The following AADACL2 variants were observed in gnomAD, a reference collection of about 807,000 sequenced individuals.
The protein encoded by AADACL2 is arylacetamide deacetylase-like 2.
In AADACL2, 23 loss-of-function variants were observed where a neutral mutation model predicts 22.3. The ratio of observed to expected loss-of-function variants is 1.03; its 90% CI spans 0.74 to 1.46. AADACL2 has a LOEUF of 1.46. Ranked by LOEUF, AADACL2 falls within the 40% of genes most tolerant of loss-of-function variation. AADACL2 has a pLI of 0.00. For missense variants in AADACL2, 472 were observed against 482.9 expected (o/e 0.98, Z 0.21); for synonymous variants, 177 against 166.2 (o/e 1.07, Z -0.50).
rs1170191555 is a variant in AADACL2, at chr3:151,759,380, T to C, written c.*1786T>C. On this transcript the variant is annotated 3_prime_UTR_variant, in exon 5 of 5. Transcript: ENST00000356517. The stretch of plus-strand genomic sequence containing the variant: ...TGATTTGTAAGAAAATCATTAAAAA[T>C]GCAGCTCTCTAGGAAGCACATTTTG... 4 of 152,148 alleles carry C rather than the reference T, an allele frequency of 2.6e-5. No individual in the cohort carries two copies. The highest frequency in any genetic ancestry group is 9.7e-5 in the African/African-American group (4 of 41,442). 9.4% of individuals were successfully genotyped at this position (152,148 alleles called of 1,614,324 possible).
rs201094017 is a variant in AADACL2, at chr3:151,734,118, A to C, written c.83A>C (p.Glu28Ala). 1.2e-6 allele frequency: 2 copies of C among 1,613,662 alleles called. No individual in the cohort carries two copies. The highest frequency in any genetic ancestry group is 8.5e-7 in the Non-Finnish European group (1 of 1,179,788). The change falls in exon 1 of 5, where the codon GAA becomes GCA. Residue 28 changes from glutamate to alanine, a missense_variant. Transcript: ENST00000356517. Reference sequence around the variant, plus strand: ...TACACACCCATGCCAGACAACATTGAAGAAAGCTGGAAAATAATGGCCTTG... The same window carrying C: ...TACACACCCATGCCAGACAACATTGCAGAAAGCTGGAAAATAATGGCCTTG... Reference protein sequence around the residue: ...HFYTPMPDNIEESWKIMALDA... With the variant: ...HFYTPMPDNIAESWKIMALDA...
chr3:151,752,594 ACTT>A (rs1322353949), intron 4 of AADACL2, among the ~76,000 whole-genome samples: 1 of 152,198 alleles, frequency 6.6e-6, no homozygotes, highest in Non-Finnish European at 1.5e-5. Flanking sequence ...CTATTTCTAA[ACTT>A]TAATCATATC....
rs911163968 is a variant in AADACL2 at position 151,760,905 on chromosome 3, C to T, written c.*3311C>T. The stretch of plus-strand genomic sequence containing the variant: ...CTCCAATCTTCACATGATATTCTCC[C>T]GTTGTATGTGTTCTTCCCCAATTTT... On this transcript the variant is annotated 3_prime_UTR_variant, in exon 5 of 5. Transcript: ENST00000356517. 2.0e-5 allele frequency: 3 copies of T among 151,862 alleles called. No homozygotes were observed. Among genetic ancestry groups the T allele is most frequent in the East Asian group, 1.9e-4 (1 of 5,164 alleles). 9.4% of individuals were successfully genotyped at this position (151,862 alleles called of 1,614,324 possible).
intron 4 of AADACL2, 117 bp from the exon 5 acceptor site, chr3:151,756,875 A>G (rs1038985960): frequency 5.2e-6 from 4 of 768,586 alleles, no homozygotes; most frequent in Non-Finnish European, 7.3e-6. Flanking sequence ...AATAATTATG[A>G]TACATCACAT....
intron 1 of AADACL2, 128 bp from the exon 2 acceptor site, chr3:151,740,518 A>AT (rs1713243542): frequency 1.6e-6 from 1 of 635,682 alleles, no homozygotes. Context: ...TGGAAATAAT[A>AT]TTTTTAAATA....
At chr3:151,743,470 A>G (rs9815308) in intron 2 of AADACL2, among the ~76,000 whole-genome samples, 102,077 of 152,008 alleles carry the variant, frequency 0.67, 34,834 homozygotes, top group African/African-American at 0.79. Context: ...TAGCTTGTAC[A>G]TCAAGCATGT....
At position 151,757,016 on chromosome 3, in the gene AADACL2, C is replaced by T. The variant is rs1158978943; in HGVS notation, c.628C>T (p.His210Tyr). 10 of 1,604,480 alleles carry T rather than the reference C, an allele frequency of 6.2e-6. No individual in the cohort carries two copies. The highest frequency in any genetic ancestry group is 8.5e-6 in the Non-Finnish European group (10 of 1,177,016). The change falls in exon 5 of 5, where the codon CAT (histidine) becomes TAT (tyrosine). Residue 210 changes from histidine (H) to tyrosine (Y), a missense_variant. His to Tyr is a moderately conservative substitution (Grantham distance 83, BLOSUM62 2). Around this residue, in one of 3 missense-constraint regions of AADACL2, gnomAD observed 356 missense variants for 365.5 expected, o/e 0.97. Coordinates refer to ENST00000356517, the MANE Select transcript of AADACL2 (RefSeq NM_207365.4). ...GGTGCAGAATGATGCTGAAATAAAA[C>T]ATAAAATCAAGATGCAAGTCTTACT... ...QQVQNDAEIK[H>Y]KIKMQVLLYP...
At chr3:151,738,902 T>A (rs1713185101) in intron 1 of AADACL2, among the ~76,000 whole-genome samples, 1 of 152,190 alleles carries the variant, frequency 6.6e-6, no homozygotes, top group African/African-American at 2.4e-5. Context: ...CCTGTAACCT[T>A]TTATCAAGGT....
At chr3:151,747,151 A>T (rs1374833196) in intron 4 of AADACL2, among the ~76,000 whole-genome samples, 1 of 152,208 alleles carries the variant, frequency 6.6e-6, no homozygotes, top group Non-Finnish European at 1.5e-5. Flanking sequence ...GATGTACAAC[A>T]TGATGTTTTG....
rs182392859 is a variant in AADACL2, at chr3:151,738,632, A to T, written c.139-2014A>T. Among the ~76,000 whole-genome samples the T allele has an allele frequency of 1.4e-4, 21 of 152,302 alleles. 1 individual carries two copies. The highest frequency in any genetic ancestry group is 1.2e-3 in the Admixed American group (19 of 15,300). On this transcript the variant is annotated intron_variant, in intron 1 of 4. Transcript: ENST00000356517. The stretch of plus-strand genomic sequence containing the variant: ...CTCCTTGTCACTTTCAGGTACACCA[A>T]TCTAACGTAGGTTTGGTCTTTTCAC...
intron 3 of AADACL2, among the ~76,000 whole-genome samples, chr3:151,745,105 C>T (rs1419687305): frequency 6.6e-6 from 1 of 152,154 alleles, no homozygotes; most frequent in Non-Finnish European, 1.5e-5. Context: ...AAATAGGACA[C>T]TGCCTACAAT....
intron 2 of AADACL2, 49 bp downstream of exon 2, chr3:151,740,917 T>C (rs770939772): frequency 2.0e-6 from 3 of 1,489,486 alleles, no homozygotes; most frequent in Admixed American, 1.7e-5. Context: ...ACATTTTTGA[T>C]ATAAGAACTA....
At chr3:151,744,302 C>A (rs1713372963) in intron 3 of AADACL2, 140 bp downstream of exon 3, 1 of 712,758 alleles carries the variant, frequency 1.4e-6, no homozygotes, top group Non-Finnish European at 2.2e-6. Flanking sequence ...ACATAGACTG[C>A]TCCTCAAAGA....
intron 1 of AADACL2, among the ~76,000 whole-genome samples, chr3:151,736,796 T>C (rs1291132282): frequency 1.3e-5 from 2 of 152,242 alleles, no homozygotes; most frequent in Non-Finnish European, 2.9e-5. Flanking sequence ...TGTATGCATG[T>C]GTCATTACAG....
At chr3:151,750,466 T>C (rs1015644337) in intron 4 of AADACL2, among the ~76,000 whole-genome samples, 2 of 152,144 alleles carry the variant, frequency 1.3e-5, no homozygotes, top group African/African-American at 2.4e-5. Context: ...TGCCAGCCTT[T>C]TCTTATCTTT....
chr3:151,738,820 C>G (rs1320353236), intron 1 of AADACL2, among the ~76,000 whole-genome samples: 3 of 152,166 alleles, frequency 2.0e-5, no homozygotes, highest in Non-Finnish European at 4.4e-5. Flanking sequence ...TCACGAAGTT[C>G]TTGTGCTGTG....
chr3:151,746,361 T>G (rs1713445030), intron 4 of AADACL2, among the ~76,000 whole-genome samples: 1 of 112,032 alleles, frequency 8.9e-6, no homozygotes, highest in Non-Finnish European at 2.0e-5. Flanking sequence ...TCTGTGTTTT[T>G]TTTGTTTTTT....
chr3:151,756,044 T>C (rs1158941244), intron 4 of AADACL2, among the ~76,000 whole-genome samples: 1 of 152,120 alleles, frequency 6.6e-6, no homozygotes, highest in African/African-American at 2.4e-5. Context: ...TGGATTTCAA[T>C]TTAGTTTTTC....
At position 151,757,081 on chromosome 3, in the gene AADACL2, T is replaced by C; in HGVS notation, c.693T>C (p.Ser231=). The C allele has an allele frequency of 6.2e-7, 1 of 1,613,216 alleles. No homozygotes were observed. The highest frequency in any genetic ancestry group is 8.5e-7 in the Non-Finnish European group (1 of 1,179,550). ...AGATAACAGATTCTTATTTGCCATC[T>C]CACCGAGAAAATGAGCATGGTATAG... ...GLQITDSYLP[S]HRENEHGIVL... is the part of the protein sequence containing the mutation. The change falls in exon 5 of 5, where the codon TCT becomes TCC. Residue 231 remains serine (S), a synonymous_variant. Coordinates refer to ENST00000356517, the MANE Select transcript of AADACL2 (RefSeq NM_207365.4).
Sources: allele counts gnomAD v4.1 joint callset (sites outside exome capture counted in the v4.1 genomes callset), GRCh38; gene constraint gnomAD v4.1.1; regional missense constraint gnomAD v4.1.1; transcripts MANE v1.5; gene names NCBI Gene and HGNC (gene_info 2026-07-23, HGNC 2026-07-21).